SDCCAG8: variants seen among roughly 807,000 people sequenced by gnomAD.
The protein encoded by SDCCAG8 is serologically defined colon cancer antigen 8.
In SDCCAG8, 74 loss-of-function variants were observed where a neutral mutation model predicts 101.8. That is an observed-to-expected ratio of 0.73 (90% CI 0.60 to 0.88). The LOEUF (loss-of-function observed/expected upper bound fraction) is 0.88. SDCCAG8 is among the 40% of genes least tolerant of loss of function. SDCCAG8 has a pLI of 0.00. For missense variants in SDCCAG8, 787 were observed against 822.6 expected (o/e 0.96, Z 0.53); for synonymous variants, 281 against 292.9 (o/e 0.96, Z 0.41).
At chr1:243,296,291 C>G (rs1187514313) in intron 6 of SDCCAG8, among the ~76,000 whole-genome samples, 1 of 152,110 alleles carries the variant, frequency 6.6e-6, no homozygotes, top group African/African-American at 2.4e-5. Context: ...CCACTGCACC[C>G]GGCCAATAGT....
intron 15 of SDCCAG8, among the ~76,000 whole-genome samples, chr1:243,419,304 C>A (rs1347403569): frequency 6.6e-6 from 1 of 151,974 alleles, no homozygotes; most frequent in Non-Finnish European, 1.5e-5. Flanking sequence ...CCAAGAAAAC[C>A]AAATGATTTT....
At chr1:243,390,761 A>G (rs1305050331) in intron 13 of SDCCAG8, among the ~76,000 whole-genome samples, 1 of 152,224 alleles carries the variant, frequency 6.6e-6, no homozygotes, top group African/African-American at 2.4e-5. Flanking sequence ...GCCTGACTCA[A>G]CAACAATGAG....
intron 10 of SDCCAG8, among the ~76,000 whole-genome samples, chr1:243,337,023 G>A (rs1292177855): frequency 6.6e-6 from 1 of 152,084 alleles, no homozygotes; most frequent in African/African-American, 2.4e-5. Flanking sequence ...TTGTCAATTG[G>A]TGGGTTTTGT....
chr1:243,461,293 A>G (rs1467885977), intron 16 of SDCCAG8, among the ~76,000 whole-genome samples: 1 of 152,218 alleles, frequency 6.6e-6, no homozygotes, highest in Non-Finnish European at 1.5e-5. Context: ...ATACAACTAC[A>G]TGGATAATTT....
chr1:243,284,392 TTCTGTTGAATTTC>T (rs1216667521), intron 4 of SDCCAG8, among the ~76,000 whole-genome samples: 1 of 152,194 alleles, frequency 6.6e-6, no homozygotes, highest in Non-Finnish European at 1.5e-5. Flanking sequence ...ATGCAGTTCT[TTCTGTTGAATTTC>T]TCTGTCAGTA....
In SDCCAG8 at chr1:243,499,824, G is replaced by A. The variant is rs763036740; in HGVS notation, c.*39G>A. On this transcript the variant is annotated 3_prime_UTR_variant, in exon 18 of 18. Coordinates refer to ENST00000366541, the MANE Select transcript of SDCCAG8 (RefSeq NM_006642.5). ...GAGTGAAATAAATGATTTACAAAGA[G>A]ATATTTACATTCATCTGGTTTAGAC... 2 of 1,596,452 alleles carry A rather than the reference G, an allele frequency of 1.3e-6. No individual in the cohort carries two copies. Among genetic ancestry groups the A allele is most frequent in the African/African-American group, 1.3e-5 (1 of 74,704 alleles).
chr1:243,286,244 T>A, intron 4 of SDCCAG8, 28 bp from the exon 5 acceptor site: 1 of 1,608,462 alleles, frequency 6.2e-7, no homozygotes, highest in South Asian at 1.1e-5. Context: ...TTAATAATGC[T>A]TAATGTGTTT....
intron 3 of SDCCAG8, 35 bp from the exon 4 acceptor site, chr1:243,274,500 AATTTATGT>A (rs759920387): frequency 9.9e-6 from 12 of 1,208,488 alleles, no homozygotes; most frequent in Non-Finnish European, 1.3e-5. Context: ...GGCTTTTTAA[AATTTATGT>A]ATTTATGTAT....
Position 243,289,006 on chromosome 1 carries a change from C to CA in SDCCAG8, c.546+2625dup, listed in dbSNP as rs1169573983. On this transcript the variant is annotated intron_variant, in intron 5 of 17. Coordinates refer to ENST00000366541, the MANE Select transcript of SDCCAG8 (RefSeq NM_006642.5). ...TGGGCGACAGAGCAAGACTCCATCT[C>CA]AAAAAAAAAAAAAAAAGATAATTGA... Among the ~76,000 whole-genome samples the CA allele has an allele frequency of 9.0e-3, 754 of 83,512 alleles. 5 individuals are homozygous for CA. Among genetic ancestry groups the CA allele is most frequent in the South Asian group, 0.021 (56 of 2,660 alleles). The allele number at this position is 83,512 out of a possible 152,430, so 54.8% of individuals were successfully genotyped here. A position where few individuals can be genotyped will look rare whatever the true frequency, so the allele number is the denominator to read the frequency against.
intron 5 of SDCCAG8, among the ~76,000 whole-genome samples, chr1:243,292,742 C>G (rs2070397445): frequency 6.6e-6 from 1 of 152,160 alleles, no homozygotes; most frequent in African/African-American, 2.4e-5. Flanking sequence ...TATTATTAGC[C>G]ATGCATTTAT....
At chr1:243,488,449 G>A (rs1483061312) in intron 16 of SDCCAG8, 2 of 162,594 alleles carry the variant, frequency 1.2e-5, no homozygotes, top group East Asian at 3.5e-4. Context: ...GTAGGAAGCC[G>A]ACTGTGGACA....
intron 12 of SDCCAG8, among the ~76,000 whole-genome samples, chr1:243,377,364 A>C (rs2077656996): frequency 6.6e-6 from 1 of 151,960 alleles, no homozygotes; most frequent in East Asian, 1.9e-4. Flanking sequence ...TTAATTATGA[A>C]ATTGGAAATA....
At chr1:243,259,556 A>T (rs1189843913) in intron 1 of SDCCAG8, among the ~76,000 whole-genome samples, 1 of 152,028 alleles carries the variant, frequency 6.6e-6, no homozygotes, top group East Asian at 1.9e-4. Context: ...GCGGTGGCTC[A>T]CGCCTGTAAT....
rs1330577715 is a variant in SDCCAG8 at position 243,365,122 on chromosome 1, G to A, written c.1474-13599G>A. Among the ~76,000 whole-genome samples, 3 of 152,172 alleles carry A rather than the reference G, an allele frequency of 2.0e-5. No individual in the cohort carries two copies. In the East Asian group the frequency reaches 5.8e-4, roughly 29 times the overall value. ...GGAAATGGGTATCGGCGAAGAGTCT[G>A]GAGCTTGAGTTCTAGTACAGTTGAG... On this transcript the variant is annotated intron_variant, in intron 12 of 17. Coordinates refer to ENST00000366541, the MANE Select transcript of SDCCAG8 (RefSeq NM_006642.5).
At chr1:243,399,782 T>C (rs866284165) in intron 13 of SDCCAG8, among the ~76,000 whole-genome samples, 1 of 152,272 alleles carries the variant, frequency 6.6e-6, no homozygotes, top group African/African-American at 2.4e-5. Context: ...AGTGCTGGGA[T>C]TGCAGGCATG....
chr1:243,452,409 C>CTTTTTTTTTTTTTTTT lies in SDCCAG8; in HGVS notation c.1985+25851_1985+25852insTTTTTTTTTTTTTTTT, dbSNP rs1558489172. The stretch of plus-strand genomic sequence containing the variant: ...CTTCTCCCTACCCTTGAGATGATCT[C>CTTTTTTTTTTTTTTTT]ATCTCTTTTTTTTTTTTTTTTTTTT... On this transcript the variant is annotated intron_variant, in intron 16 of 17. Coordinates refer to ENST00000366541, the MANE Select transcript of SDCCAG8 (RefSeq NM_006642.5). Among the ~76,000 whole-genome samples the CTTTTTTTTTTTTTTTT allele has an allele frequency of 4.1e-5, 5 of 121,034 alleles. 1 individual carries two copies. The highest frequency in any genetic ancestry group is 6.8e-5 in the African/African-American group (2 of 29,552). The allele number at this position is 121,034 out of a possible 152,430, so 79.4% of individuals were successfully genotyped here. A position where few individuals can be genotyped will look rare whatever the true frequency, so the allele number is the denominator to read the frequency against.
At chr1:243,331,040 G>A (rs1166612407) in intron 10 of SDCCAG8, among the ~76,000 whole-genome samples, 1 of 152,098 alleles carries the variant, frequency 6.6e-6, no homozygotes, top group Admixed American at 6.6e-5. Flanking sequence ...GCTAAATCAA[G>A]GAGAGATGAC....
intron 12 of SDCCAG8, among the ~76,000 whole-genome samples, chr1:243,376,800 G>A (rs533836178): frequency 4.2e-4 from 64 of 152,054 alleles, no homozygotes; most frequent in Non-Finnish European, 8.8e-4. Flanking sequence ...GCCATTCTTT[G>A]CCACCTTAAA....
intron 12 of SDCCAG8, among the ~76,000 whole-genome samples, chr1:243,377,722 A>T (rs1168130925): frequency 6.6e-6 from 1 of 151,962 alleles, no homozygotes; most frequent in Non-Finnish European, 1.5e-5. Flanking sequence ...ACTAAATTTA[A>T]ATCCCTCTAC....
Sources: gnomAD v4.1 joint callset for allele counts (sites outside exome capture counted in the v4.1 genomes callset) on GRCh38, gnomAD v4.1.1 for gene constraint, MANE v1.5 for transcripts, NCBI Gene and HGNC (gene_info 2026-07-23, HGNC 2026-07-21) for gene names.